LRRTM4: variants seen among roughly 807,000 people sequenced by gnomAD.
LRRTM4 encodes the protein leucine-rich repeat transmembrane neuronal protein 4.
In LRRTM4, 25 loss-of-function variants were observed where a neutral mutation model predicts 47.6. That is an observed-to-expected ratio of 0.53 (90% CI 0.38 to 0.73). The LOEUF (loss-of-function observed/expected upper bound fraction) is 0.73. LRRTM4 is among the 30% of genes least tolerant of loss of function. The probability of loss-of-function intolerance (pLI) is 0.00; values close to 1 mark genes in which losing one functional copy is unlikely to be tolerated. For missense variants in LRRTM4, 638 were observed against 713.4 expected (o/e 0.89, Z 1.20); for synonymous variants, 311 against 269.5 (o/e 1.15, Z -1.51).
intron 3 of LRRTM4, among the ~76,000 whole-genome samples, chr2:77,071,475 T>C (rs1353842120): frequency 2.6e-5 from 4 of 152,142 alleles, no homozygotes; most frequent in Admixed American, 2.0e-4. Flanking sequence ...GCCCAAACTC[T>C]CAATATTTTA....
chr2:77,445,032 G>A (rs983702067), intron 3 of LRRTM4, among the ~76,000 whole-genome samples: 2 of 150,752 alleles, frequency 1.3e-5, no homozygotes, highest in African/African-American at 4.9e-5. Flanking sequence ...ATTTTTGCAG[G>A]GAAATATTGT....
intron 3 of LRRTM4, among the ~76,000 whole-genome samples, chr2:77,049,644 T>A (rs1375498695): frequency 6.7e-6 from 1 of 149,124 alleles, no homozygotes; most frequent in Non-Finnish European, 1.5e-5. Context: ...TAAATTAATT[T>A]TTTTGTTGTT....
At chr2:77,457,798 T>G (rs1336602331) in intron 3 of LRRTM4, among the ~76,000 whole-genome samples, 3 of 152,148 alleles carry the variant, frequency 2.0e-5, no homozygotes, top group Admixed American at 2.0e-4. Context: ...GGTTCCTCTC[T>G]TTAGAACAGC....
chr2:76,985,135 T>C (rs1447392431), intron 3 of LRRTM4, among the ~76,000 whole-genome samples: 2 of 151,982 alleles, frequency 1.3e-5, no homozygotes, highest in Non-Finnish European at 2.9e-5. Context: ...TTATCTTCTA[T>C]CAAAATTTTG....
At chr2:77,268,672 T>C (rs1267570896) in intron 3 of LRRTM4, among the ~76,000 whole-genome samples, 4 of 152,188 alleles carry the variant, frequency 2.6e-5, no homozygotes, top group African/African-American at 9.7e-5. Flanking sequence ...ACAATAGTTG[T>C]ACTCAATTTA....
At chr2:76,910,782 T>C (rs1674026007) in intron 3 of LRRTM4, among the ~76,000 whole-genome samples, 1 of 152,228 alleles carries the variant, frequency 6.6e-6, no homozygotes, top group Non-Finnish European at 1.5e-5. Context: ...TCATATCACT[T>C]TCTCTTCCAG....
At chr2:77,437,317 C>G (rs189294194) in intron 3 of LRRTM4, among the ~76,000 whole-genome samples, 1 of 152,044 alleles carries the variant, frequency 6.6e-6, no homozygotes, top group Non-Finnish European at 1.5e-5. Flanking sequence ...TTGCATTTCA[C>G]AACAGCTTCC....
intron 3 of LRRTM4, among the ~76,000 whole-genome samples, chr2:77,387,372 T>C (rs1673318965): frequency 6.6e-6 from 1 of 152,156 alleles, no homozygotes; most frequent in Non-Finnish European, 1.5e-5. Context: ...CATGGACTTC[T>C]CATGTTCCTG....
chr2:77,000,814 T>C (rs2104022666), intron 3 of LRRTM4, among the ~76,000 whole-genome samples: 1 of 152,238 alleles, frequency 6.6e-6, no homozygotes, highest in African/African-American at 2.4e-5. Context: ...TTTTTCTTCT[T>C]TTCCTGAAAT....
intron 3 of LRRTM4, among the ~76,000 whole-genome samples, chr2:76,978,406 G>A (rs1676489064): frequency 1.3e-5 from 2 of 152,146 alleles, no homozygotes; most frequent in South Asian, 4.1e-4. Flanking sequence ...AATGGCTGTA[G>A]TCATTTTTTC....
In LRRTM4 at chr2:77,463,285, G is replaced by T. The variant is rs1676860949; in HGVS notation, c.1551+55033C>A. On this transcript the variant is annotated intron_variant, in intron 3 of 3. Transcript: ENST00000409884. ...ATTATAATCTTATGGGACCACAGTT[G>T]TATATGTGGACCATCATTGATGAAA... 4.6e-5 allele frequency among the ~76,000 whole-genome samples: 7 copies of T among 152,132 alleles called. No homozygotes were observed. The South Asian group carries it at 1.5e-3, about 32-fold the overall frequency.
chr2:77,140,397 G>T (rs1234954257), intron 3 of LRRTM4, among the ~76,000 whole-genome samples: 1 of 152,126 alleles, frequency 6.6e-6, no homozygotes, highest in Non-Finnish European at 1.5e-5. Flanking sequence ...ATTAATAAAT[G>T]GTGCTGGGAA....
At chr2:76,919,707 A>C (rs75962298) in intron 3 of LRRTM4, among the ~76,000 whole-genome samples, 1 of 152,164 alleles carries the variant, frequency 6.6e-6, no homozygotes, top group Non-Finnish European at 1.5e-5. Flanking sequence ...CTATTTTTAC[A>C]GCCATTTTAC....
intron 3 of LRRTM4, among the ~76,000 whole-genome samples, chr2:77,196,247 AG>A (rs1235142710): frequency 6.6e-6 from 1 of 152,178 alleles, no homozygotes; most frequent in Non-Finnish European, 1.5e-5. Context: ...TGCAAGATAT[AG>A]GTTAGTGATA....
At chr2:76,974,213 C>CATATATATATACATATATATATACATAT (rs1283439856) in intron 3 of LRRTM4, among the ~76,000 whole-genome samples, 1 of 126,426 alleles carries the variant, frequency 7.9e-6, no homozygotes, top group East Asian at 2.1e-4. Context: ...TATATATACA[C>CATATATATATACATATATATATACATAT]ATATATATAC....
intron 3 of LRRTM4, among the ~76,000 whole-genome samples, chr2:77,332,868 T>C (rs989212090): frequency 6.6e-6 from 1 of 152,158 alleles, no homozygotes; most frequent in Non-Finnish European, 1.5e-5. Flanking sequence ...AGTACTGATA[T>C]AGATTGACTG....
chr2:77,513,001 A>G (rs752762876), intron 3 of LRRTM4, among the ~76,000 whole-genome samples: 39 of 152,288 alleles, frequency 2.6e-4, no homozygotes, highest in Non-Finnish European at 4.4e-4. Flanking sequence ...GTGAATTCTA[A>G]TGAAAACTCT....
chr2:76,837,471 T>G (rs1248156786), intron 3 of LRRTM4, among the ~76,000 whole-genome samples: 1 of 152,074 alleles, frequency 6.6e-6, no homozygotes, highest in African/African-American at 2.4e-5. Flanking sequence ...ATTGTGATGT[T>G]AGGGTGTCAA....
intron 3 of LRRTM4, among the ~76,000 whole-genome samples, chr2:77,066,817 G>C (rs1333967959): frequency 6.6e-6 from 1 of 152,234 alleles, no homozygotes; most frequent in Non-Finnish European, 1.5e-5. Context: ...ACATTTGGTT[G>C]AATTTGGAAG....
Sources: gnomAD v4.1 joint callset for allele counts (sites outside exome capture counted in the v4.1 genomes callset) on GRCh38, gnomAD v4.1.1 for gene constraint, MANE v1.5 for transcripts, NCBI Gene and HGNC (gene_info 2026-07-23, HGNC 2026-07-21) for gene names.